Variants in H6PD observed in about 807,000 individuals in gnomAD.
The protein encoded by H6PD is hexose-6-phosphate dehydrogenase/glucose 1-dehydrogenase.
In H6PD, 48 loss-of-function variants were observed where a neutral mutation model predicts 61.2. That is an observed-to-expected ratio of 0.78 (90% CI 0.62 to 1.00). The LOEUF (loss-of-function observed/expected upper bound fraction) is 1.00, where lower values mean the gene tolerates loss of function less well. H6PD is among the 50% of genes least tolerant of loss of function. The pLI is 0.00. For missense variants in H6PD, 1,093 were observed against 1,065.0 expected, an observed-to-expected ratio of 1.03 and a Z score of -0.37; for synonymous variants, 480 against 457.9, an observed-to-expected ratio of 1.05 and a Z score of -0.62.
chr1:9,258,323 G>A (rs1219232467), intron 3 of H6PD, among the ~76,000 whole-genome samples: 3 of 152,000 alleles, frequency 2.0e-5, no homozygotes, highest in Non-Finnish European at 4.4e-5. Flanking sequence ...ATATTGTTAC[G>A]CCAGGGTTGT....
chr1:9,240,061 A>G, intron 1 of H6PD: 1 of 1,192,540 alleles, frequency 8.4e-7, no homozygotes, highest in East Asian at 3.2e-5. Context: ...TCTCAGGATT[A>G]GAGTTGGAGA....
At chr1:9,263,023 C>A (rs1054023413) in intron 4 of H6PD, among the ~76,000 whole-genome samples, 1 of 152,180 alleles carries the variant, frequency 6.6e-6, no homozygotes, top group Admixed American at 6.5e-5. Context: ...CTTGCCAACA[C>A]CCCACCCACG....
chr1:9,246,011 C>T (rs1198258627), intron 2 of H6PD, among the ~76,000 whole-genome samples: 2 of 151,420 alleles, frequency 1.3e-5, no homozygotes, highest in African/African-American at 2.4e-5. Flanking sequence ...GGCATGATCT[C>T]GGCTCACTGC....
In H6PD at chr1:9,245,165, G is replaced by A. The variant is rs757374323; in HGVS notation, c.231G>A (p.Met77Ile). 6.2e-7 allele frequency: 1 copy of A among 1,614,230 alleles called. No homozygotes were observed. The change falls in exon 2 of 5, where the codon ATG becomes ATA. Residue 77 changes from methionine to isoleucine, a missense_variant. Coordinates refer to ENST00000377403, the MANE Select transcript of H6PD (RefSeq NM_004285.4). This position sits in a 1 kb window ranked among gnomAD's most constrained non-coding sequence, Gnocchi z 4.8. ...CCCCCAAGCAGGGTCAAGAGCTCAT[G>A]GCCAAGGCCCTGGAATCCCTCTCCT... The part of the protein sequence containing the change: ...LTAPKQGQEL[M>I]AKALESLSCP...
chr1:9,265,067 C>G lies in H6PD; in HGVS notation c.*198C>G. 1.6e-6 allele frequency: 1 copy of G among 642,934 alleles called. No individual in the cohort carries two copies. The highest frequency in any genetic ancestry group is 1.8e-5 in the South Asian group (1 of 55,750). The allele number at this position is 642,934 out of a possible 1,614,324, so 39.8% of individuals were successfully genotyped here. ...AGCTCTGTGTATTGGTGGATAGATG[C>G]AGAAACAAGGAAGAAATGGAGTCTG... On this transcript the variant is annotated 3_prime_UTR_variant, in exon 5 of 5. Coordinates refer to ENST00000377403, the MANE Select transcript of H6PD (RefSeq NM_004285.4).
chr1:9,244,685 A>G (rs1641106125), intron 1 of H6PD, among the ~76,000 whole-genome samples: 1 of 152,182 alleles, frequency 6.6e-6, no homozygotes, highest in African/African-American at 2.4e-5. Flanking sequence ...CATCTCTAGC[A>G]AGTGGTCTCT....
chr1:9,251,436 C>CTGTTGTTGT (rs58988268), intron 3 of H6PD, among the ~76,000 whole-genome samples: 15 of 151,252 alleles, frequency 9.9e-5, no homozygotes, highest in East Asian at 5.9e-4. Flanking sequence ...AGAAGGCCTG[C>CTGTTGTTGT]TGTTGTTGTT....
At position 9,242,559 on chromosome 1, in the gene H6PD, A is replaced by T. The variant is rs555461602; in HGVS notation, c.-10-2366A>T. 6 of 985,414 alleles carry T rather than the reference A, an allele frequency of 6.1e-6. No homozygotes were observed. The East Asian group carries it at 5.7e-4, about 93-fold the overall frequency. 61.0% of individuals were successfully genotyped at this position (985,414 alleles called of 1,614,324 possible). ...GTCAGGGAGGACTGTGGCAAACCTCAGAGTCAGAACAGGATTAAAGAGAGG... is the reference window on the plus strand; with the variant it reads ...GTCAGGGAGGACTGTGGCAAACCTCTGAGTCAGAACAGGATTAAAGAGAGG... On this transcript the variant is annotated intron_variant, in intron 1 of 4. Coordinates refer to ENST00000377403, the MANE Select transcript of H6PD (RefSeq NM_004285.4).
In H6PD at chr1:9,268,176, C is replaced by CT. The variant is rs1638631263; in HGVS notation, c.*3308dup. ...ATCACCTGAGCCCAGGAGACTGAGGCTGCAGTAAGGTGTGATTGCACTATT... is the reference window on the plus strand; with the variant it reads ...ATCACCTGAGCCCAGGAGACTGAGGCTTGCAGTAAGGTGTGATTGCACTATT... On this transcript the variant is annotated 3_prime_UTR_variant, in exon 5 of 5. Coordinates refer to ENST00000377403, the MANE Select transcript of H6PD (RefSeq NM_004285.4). The CT allele has an allele frequency of 6.8e-6, 1 of 148,072 alleles. No individual in the cohort carries two copies. The highest frequency in any genetic ancestry group is 2.0e-4 in the East Asian group (1 of 5,090). 9.2% of individuals were successfully genotyped at this position (148,072 alleles called of 1,614,324 possible). A position where few individuals can be genotyped will look rare whatever the true frequency, so the allele number is the denominator to read the frequency against.
intron 4 of H6PD, among the ~76,000 whole-genome samples, chr1:9,262,672 T>G (rs1045914635): frequency 1.3e-5 from 2 of 152,198 alleles, no homozygotes. Flanking sequence ...GCCTTTTGCC[T>G]GGCCACAGCT....
rs201296526 is a variant in H6PD, at chr1:9,264,760, C to G, written c.2267C>G (p.Thr756Arg). ...VMGRMKREIT[T>R]LVSRVGHEPK... Reference sequence around the variant, plus strand: ...GGCAGGATGAAGCGTGAGATCACCACGCTGGTGAGCCGGGTGGGCCATGAG... The same window carrying G: ...GGCAGGATGAAGCGTGAGATCACCAGGCTGGTGAGCCGGGTGGGCCATGAG... The change falls in exon 5 of 5, where the codon ACG becomes AGG. Residue 756 changes from threonine (T) to arginine (R), a missense_variant. Physicochemically the swap from Thr to Arg is moderately conservative, Grantham distance 71. Coordinates refer to ENST00000377403, the MANE Select transcript of H6PD (RefSeq NM_004285.4). 3 of 1,613,154 alleles carry G rather than the reference C, an allele frequency of 1.9e-6. No individual in the cohort carries two copies. The highest frequency in any genetic ancestry group is 1.7e-4 in the Middle Eastern group (1 of 6,060).
chr1:9,258,746 C>T (rs1013987469), intron 3 of H6PD, among the ~76,000 whole-genome samples: 5 of 151,350 alleles, frequency 3.3e-5, no homozygotes, highest in Admixed American at 1.3e-4. Flanking sequence ...GCTGTTACAT[C>T]GGTGTTGTTA....
At chr1:9,260,762 G>A (rs1638237612) in intron 3 of H6PD, among the ~76,000 whole-genome samples, 1 of 152,056 alleles carries the variant, frequency 6.6e-6, no homozygotes, top group East Asian at 1.9e-4. Flanking sequence ...TGGTCGTGCT[G>A]CTCCATGTTC....
At position 9,263,849 on chromosome 1, in the gene H6PD, G is replaced by T. The variant is rs1444763117; in HGVS notation, c.1356G>T (p.Val452=). 6.2e-7 allele frequency: 1 copy of T among 1,614,060 alleles called. No homozygotes were observed. Among genetic ancestry groups the T allele is most frequent in the African/African-American group, 1.3e-5 (1 of 75,078 alleles). The part of the protein sequence containing the change: ...PLSDYYAYSP[V]RERDAHSVLL... ...CCGATTACTACGCCTACAGCCCTGT[G>T]CGGGAGCGGGACGCCCACTCCGTCC... Residue 452 remains valine, a synonymous_variant, in exon 5 of 5, where the codon GTG becomes GTT. Coordinates refer to ENST00000377403, the MANE Select transcript of H6PD (RefSeq NM_004285.4).
chr1:9,258,121 C>T (rs566145639), intron 3 of H6PD, among the ~76,000 whole-genome samples: 7 of 152,222 alleles, frequency 4.6e-5, no homozygotes, highest in African/African-American at 1.7e-4. Flanking sequence ...TGGGGAGGAG[C>T]GGCGCGGGCC....
At chr1:9,243,051 C>T (rs1301074382) in intron 1 of H6PD, 2 of 792,356 alleles carry the variant, frequency 2.5e-6, no homozygotes, top group African/African-American at 1.9e-5. Context: ...GGCCCTGATC[C>T]TCTAGTTAAA....
In H6PD at chr1:9,254,999, A is replaced by G. The variant is rs1357629236; in HGVS notation, c.746-7060A>G. On this transcript the variant is annotated intron_variant, in intron 3 of 4. Coordinates refer to ENST00000377403, the MANE Select transcript of H6PD (RefSeq NM_004285.4). The surrounding 1 kb of genome is among the most constrained non-coding windows in gnomAD (Gnocchi z 4.6). ...AGTTAGCATCCTGAGTTCAGAGTTC[A>G]CCCATGTTCTAGCATGTACCAGCAC... Among the ~76,000 whole-genome samples, 1 of 152,116 alleles carries G rather than the reference A, an allele frequency of 6.6e-6. No individual in the cohort carries two copies. Among genetic ancestry groups the G allele is most frequent in the African/African-American group, 2.4e-5 (1 of 41,410 alleles).
intron 1 of H6PD, among the ~76,000 whole-genome samples, chr1:9,240,509 G>T (rs1294011): frequency 0.043 from 6,497 of 152,030 alleles, 216 homozygotes; most frequent in Middle Eastern, 0.11. Flanking sequence ...CCATTTCCTC[G>T]ATGAGGAAAC....
chr1:9,261,592 C>T (rs1049759081), intron 3 of H6PD, among the ~76,000 whole-genome samples: 2 of 152,234 alleles, frequency 1.3e-5, no homozygotes, highest in African/African-American at 2.4e-5. Context: ...CATCCAAGGG[C>T]AGGATGCAGG....
Sources: gnomAD v4.1 joint callset for allele counts (sites outside exome capture counted in the v4.1 genomes callset) on GRCh38, gnomAD v4.1.1 for gene constraint, Gnocchi (gnomAD v3.1) non-coding constraint, MANE v1.5 for transcripts, NCBI Gene and HGNC (gene_info 2026-07-23, HGNC 2026-07-21) for gene names.